LCMT2: variants seen among roughly 807,000 people sequenced by gnomAD.
LCMT2 encodes tRNA wybutosine-synthesizing protein 4.
Under a neutral mutation model 42.0 loss-of-function variants are expected in LCMT2, and 34 were observed. The ratio of observed to expected loss-of-function variants is 0.81; its 90% CI spans 0.62 to 1.08. The LOEUF (loss-of-function observed/expected upper bound fraction) is 1.08. Among genes scored for constraint, LCMT2 ranks in the 50% least tolerant of loss-of-function variants. LCMT2 has a pLI of 0.00. For synonymous variants in LCMT2, 445 were observed against 369.5 expected, an observed-to-expected ratio of 1.20 and a Z score of -2.34; for missense variants, 1,091 against 889.4, an observed-to-expected ratio of 1.23 and a Z score of -2.88.
rs1304651352 is a variant in LCMT2 at position 43,329,367 on chromosome 15, C to G, written c.1123G>C (p.Gly375Arg). Residue 375 changes from glycine to arginine, a missense_variant, in exon 1 of 1, where the codon GGA becomes CGA. By Grantham distance (125) the Gly-to-Arg change is moderately radical (BLOSUM62 -2). Transcript: ENST00000305641. ...TGCCGCCCCTCCTGCTCTCCAAATC[C>G]TCCTGCACTGAGAATAACGTCTGGG... is the stretch of plus-strand genomic sequence containing the variant. Reference protein sequence around the residue: ...LSPDVILSAGGFGEQEGRHCR... With the variant: ...LSPDVILSAGRFGEQEGRHCR... 3.7e-6 allele frequency: 6 copies of G among 1,613,946 alleles called. No homozygotes were observed. Among genetic ancestry groups the G allele is most frequent in the Non-Finnish European group, 8.5e-7 (1 of 1,180,012 alleles).
Position 43,328,978 on chromosome 15 carries a change from C to T in LCMT2, c.1512G>A (p.Val504=). 1.9e-6 allele frequency: 3 copies of T among 1,613,288 alleles called. No homozygotes were observed. In the South Asian group the frequency reaches 3.3e-5, roughly 18 times the overall value. Residue 504 remains valine (V), a synonymous_variant, in exon 1 of 1, where the codon GTG becomes GTA. Coordinates refer to ENST00000305641, the MANE Select transcript of LCMT2 (RefSeq NM_014793.5). ...YLFVYGGRSV[V]EPVLSDWHFL... ...AATGCCAGTCACTTAGTACAGGTTC[C>T]ACCACGCTTCGACCCCCATACACAA...
rs1220215842 is a variant in LCMT2, at chr15:43,329,383, A to G, written c.1107T>C (p.Val369=). 6.2e-7 allele frequency: 1 copy of G among 1,614,146 alleles called. No individual in the cohort carries two copies. Among genetic ancestry groups the G allele is most frequent in the Non-Finnish European group, 8.5e-7 (1 of 1,180,028 alleles). ...CTCCAAATCCTCCTGCACTGAGAAT[A>G]ACGTCTGGGCTCAAGAAGACAGAGG... ...GHASVFLSPD[V]ILSAGGFGEQ... The change falls in exon 1 of 1, where the codon GTT becomes GTC. Residue 369 remains valine (V), a synonymous_variant. Coordinates refer to ENST00000305641, the MANE Select transcript of LCMT2 (RefSeq NM_014793.5).
In LCMT2 at chr15:43,330,053, G is replaced by A; in HGVS notation, c.437C>T (p.Ser146Phe). 7.4e-6 allele frequency: 12 copies of A among 1,612,476 alleles called. No individual in the cohort carries two copies. Among genetic ancestry groups the A allele is most frequent in the Non-Finnish European group, 9.3e-6 (11 of 1,179,934 alleles). The change falls in exon 1 of 1, where the codon TCC (serine) becomes TTC (phenylalanine). Residue 146 changes from serine to phenylalanine, a missense_variant. By Grantham distance (155) the Ser-to-Phe change is radical. Coordinates refer to ENST00000305641, the MANE Select transcript of LCMT2 (RefSeq NM_014793.5). ...TGPFERGEPA[S>F]ALCFESADYC... ...GTCTGCGCTCTCAAAGCACAGCGCG[G>A]ACGCGGGCTCCCCCCTCTCGAAAGG...
chr15:43,328,407 G>T lies in LCMT2; in HGVS notation c.*22C>A. On this transcript the variant is annotated 3_prime_UTR_variant, in exon 1 of 1. Coordinates refer to ENST00000305641, the MANE Select transcript of LCMT2 (RefSeq NM_014793.5). ...AAAACTTTATTGTCTACTTTAGTGG[G>T]TCCTGAATATTAGTCCAGTCCTTAC... 1 of 1,600,248 alleles carries T rather than the reference G, an allele frequency of 6.2e-7. No individual in the cohort carries two copies. Among genetic ancestry groups the T allele is most frequent in the East Asian group, 2.2e-5 (1 of 44,802 alleles).
rs1470857611 is a variant in LCMT2 at position 43,326,287 on chromosome 15, C to T, written c.*2142G>A. 8 of 152,072 alleles carry T rather than the reference C, an allele frequency of 5.3e-5. No homozygotes were observed. The East Asian group carries it at 1.5e-3, about 29-fold the overall frequency. 9.4% of individuals were successfully genotyped at this position (152,072 alleles called of 1,614,324 possible). Reference sequence around the variant, plus strand: ...AGAACAGCCATTTTCTCCTGCTGATCATATTCCCTGCCAGTTTTCTACTAC... The same window carrying T: ...AGAACAGCCATTTTCTCCTGCTGATTATATTCCCTGCCAGTTTTCTACTAC... On this transcript the variant is annotated 3_prime_UTR_variant, in exon 1 of 1. Transcript: ENST00000305641.
At position 43,327,284 on chromosome 15, in the gene LCMT2, CAT is replaced by C. The variant is rs766745472; in HGVS notation, c.*1143_*1144del. On this transcript the variant is annotated 3_prime_UTR_variant, in exon 1 of 1. Transcript: ENST00000305641. ...GTCTAATACAGTAGCCAAAGCCACA[CAT>C]AGTTATTAAGCACTTAAAATGTGGT... 3.3e-5 allele frequency: 5 copies of C among 152,246 alleles called. No individual in the cohort carries two copies. Among genetic ancestry groups the C allele is most frequent in the African/African-American group, 4.8e-5 (2 of 41,460 alleles). 9.4% of individuals were successfully genotyped at this position (152,246 alleles called of 1,614,324 possible). A position where few individuals can be genotyped will look rare whatever the true frequency, so the allele number is the denominator to read the frequency against.
At position 43,327,328 on chromosome 15, in the gene LCMT2, C is replaced by T. The variant is rs2043123160; in HGVS notation, c.*1101G>A. On this transcript the variant is annotated 3_prime_UTR_variant, in exon 1 of 1. Transcript: ENST00000305641. ...AAATGTGGTCAATGTGACTAAGCCA[C>T]TGAATTTATTAATTCGTTTAAATAG... The T allele has an allele frequency of 6.6e-6, 1 of 152,244 alleles. No homozygotes were observed. Among genetic ancestry groups the T allele is most frequent in the Non-Finnish European group, 1.5e-5 (1 of 68,048 alleles). The allele number at this position is 152,244 out of a possible 1,614,324, so 9.4% of individuals were successfully genotyped here.
At position 43,329,739 on chromosome 15, in the gene LCMT2, C is replaced by T. The variant is rs781243213; in HGVS notation, c.751G>A (p.Val251Met). 1.9e-6 allele frequency: 3 copies of T among 1,613,528 alleles called. No individual in the cohort carries two copies. In the South Asian group the frequency reaches 3.3e-5, roughly 18 times the overall value. Reference protein sequence around the residue: ...PLHGLERFPDVEAQRRRFLQA... With the variant: ...PLHGLERFPDMEAQRRRFLQA... ...AGGAAGCGGCGCCGCTGCGCCTCCA[C>T]GTCAGGAAAACGCTCCAGGCCATGC... The change falls in exon 1 of 1, where the codon GTG becomes ATG. Residue 251 changes from valine to methionine, a missense_variant. By Grantham distance (21) the Val-to-Met change is conservative (BLOSUM62 1). Coordinates refer to ENST00000305641, the MANE Select transcript of LCMT2 (RefSeq NM_014793.5).
chr15:43,330,209 G>A lies in LCMT2; in HGVS notation c.281C>T (p.Ser94Leu). ...CGCGGTTTTTAAGCGAAAATAGAGC[G>A]AGTCGAAGCCAGCGCCGAGAGACAA... is the stretch of plus-strand genomic sequence containing the variant. ...QILSLGAGFDSLYFRLKTAGR... is the reference protein window; with the variant it reads ...QILSLGAGFDLLYFRLKTAGR... The change falls in exon 1 of 1, where the codon TCG becomes TTG. Residue 94 changes from serine to leucine, a missense_variant. Ser to Leu is a moderately radical substitution (Grantham distance 145, BLOSUM62 -2). Coordinates refer to ENST00000305641, the MANE Select transcript of LCMT2 (RefSeq NM_014793.5). The A allele has an allele frequency of 1.9e-6, 3 of 1,611,572 alleles. No individual in the cohort carries two copies. Among genetic ancestry groups the A allele is most frequent in the Non-Finnish European group, 2.5e-6 (3 of 1,179,856 alleles).
rs2043116752 is a variant in LCMT2, at chr15:43,326,067, T to TTTTTTA, written c.*2361_*2362insTAAAAA. 1 of 122,708 alleles carries TTTTTTA rather than the reference T, an allele frequency of 8.1e-6. No individual in the cohort carries two copies. Among genetic ancestry groups the TTTTTTA allele is most frequent in the African/African-American group, 3.9e-5 (1 of 25,454 alleles). The allele number at this position is 122,708 out of a possible 1,614,324, so 7.6% of individuals were successfully genotyped here. On this transcript the variant is annotated 3_prime_UTR_variant, in exon 1 of 1. Coordinates refer to ENST00000305641, the MANE Select transcript of LCMT2 (RefSeq NM_014793.5). ...TTTTTTTTTTTTTTTTTTTTTTTTT[T>TTTTTTA]GGGTAGAGACGGAGTTTCACCATAT...
chr15:43,329,126 T>C lies in LCMT2; in HGVS notation c.1364A>G (p.Glu455Gly), dbSNP rs2043142856. 6.2e-7 allele frequency: 1 copy of C among 1,614,080 alleles called. No homozygotes were observed. The highest frequency in any genetic ancestry group is 8.5e-7 in the Non-Finnish European group (1 of 1,180,028). The change falls in exon 1 of 1, where the codon GAG (glutamate) becomes GGG (glycine). Residue 455 changes from glutamate to glycine, a missense_variant. By Grantham distance (98) the Glu-to-Gly change is moderately conservative (BLOSUM62 -2). Coordinates refer to ENST00000305641, the MANE Select transcript of LCMT2 (RefSeq NM_014793.5). ...TTTCAGGTCCTCAGTGTTATTATCC[T>C]CACTCTTAAAAAAATGAAGCTGGAG... The part of the protein sequence containing the change: ...GVLQLHFFKS[E>G]DNNTEDLKVT...
rs763848828 is a variant in LCMT2 at position 43,330,274 on chromosome 15, C to G, written c.216G>C (p.Glu72Asp). ...AVRHCVRAFL[E>D]QIGAPQAALR... Reference sequence around the variant, plus strand: ...GCGCGGCCTGGGGCGCGCCAATCTGCTCCAAAAAAGCGCGCACGCAGTGCC... The same window carrying G: ...GCGCGGCCTGGGGCGCGCCAATCTGGTCCAAAAAAGCGCGCACGCAGTGCC... The change falls in exon 1 of 1, where the codon GAG (glutamate) becomes GAC (aspartate). Residue 72 changes from glutamate to aspartate, a missense_variant. Transcript: ENST00000305641. 2 of 1,597,486 alleles carry G rather than the reference C, an allele frequency of 1.3e-6. No individual in the cohort carries two copies. Among genetic ancestry groups the G allele is most frequent in the South Asian group, 2.2e-5 (2 of 89,592 alleles).
In LCMT2 at chr15:43,330,226, G is replaced by C. The variant is rs774098361; in HGVS notation, c.264C>G (p.Leu88=). The C allele has an allele frequency of 6.2e-7, 1 of 1,610,720 alleles. No individual in the cohort carries two copies. Among genetic ancestry groups the C allele is most frequent in the East Asian group, 2.2e-5 (1 of 44,848 alleles). The part of the protein sequence containing the change: ...QAALRAQILS[L]GAGFDSLYFR... ...AATAGAGCGAGTCGAAGCCAGCGCCGAGAGACAAGATCTGCGCGCGAAGCG... is the reference window on the plus strand; with the variant it reads ...AATAGAGCGAGTCGAAGCCAGCGCCCAGAGACAAGATCTGCGCGCGAAGCG... The change falls in exon 1 of 1, where the codon CTC becomes CTG. Residue 88 remains leucine, a synonymous_variant. Transcript: ENST00000305641.
chr15:43,328,540 T>C lies in LCMT2; in HGVS notation c.1950A>G (p.Glu650=). 15 of 1,614,230 alleles carry C rather than the reference T, an allele frequency of 9.3e-6. No homozygotes were observed. The highest frequency in any genetic ancestry group is 1.3e-5 in the Non-Finnish European group (15 of 1,180,034). ...CTCCAAGGAGCAGGAGCTGTTGCTC[T>C]TCAGGAAGAAGGATACTAGTATGGT... ...LHNHTSILLP[E]EQQLLLLGGG... Residue 650 remains glutamate (E), a synonymous_variant, in exon 1 of 1, where the codon GAA becomes GAG. Transcript: ENST00000305641.
Position 43,328,533 on chromosome 15 carries a change from G to C in LCMT2, c.1957C>G (p.Gln653Glu). The C allele has an allele frequency of 6.2e-7, 1 of 1,614,212 alleles. No homozygotes were observed. Among genetic ancestry groups the C allele is most frequent in the South Asian group, 1.1e-5 (1 of 91,086 alleles). The change falls in exon 1 of 1, where the codon CAG (glutamine) becomes GAG (glutamate). Residue 653 changes from glutamine (Q) to glutamate (E), a missense_variant. Coordinates refer to ENST00000305641, the MANE Select transcript of LCMT2 (RefSeq NM_014793.5). ...HTSILLPEEQ[Q>E]LLLLGGGGNC... ...CCACCACCTCCAAGGAGCAGGAGCT[G>C]TTGCTCTTCAGGAAGAAGGATACTA...
In LCMT2 at chr15:43,328,524, G is replaced by A; in HGVS notation, c.1966C>T (p.Leu656Phe). Residue 656 changes from leucine (L) to phenylalanine (F), a missense_variant, in exon 1 of 1, where the codon CTC (leucine) becomes TTC (phenylalanine). Transcript: ENST00000305641. ...AAGCAGTTCCCACCACCTCCAAGGA[G>A]CAGGAGCTGTTGCTCTTCAGGAAGA... is the stretch of plus-strand genomic sequence containing the variant. ...ILLPEEQQLLLLGGGGNCFSF... is the reference protein window; with the variant it reads ...ILLPEEQQLLFLGGGGNCFSF... 6.2e-7 allele frequency: 1 copy of A among 1,614,232 alleles called. No homozygotes were observed. Among genetic ancestry groups the A allele is most frequent in the South Asian group, 1.1e-5 (1 of 91,086 alleles).
In LCMT2 at chr15:43,327,724, A is replaced by G. The variant is rs2043125238; in HGVS notation, c.*705T>C. The G allele has an allele frequency of 1.3e-5, 2 of 152,316 alleles. No individual in the cohort carries two copies. The highest frequency in any genetic ancestry group is 1.3e-4 in the Admixed American group (2 of 15,282). The allele number at this position is 152,316 out of a possible 1,614,324, so 9.4% of individuals were successfully genotyped here. A position where few individuals can be genotyped will look rare whatever the true frequency, so the allele number is the denominator to read the frequency against. On this transcript the variant is annotated 3_prime_UTR_variant, in exon 1 of 1. Transcript: ENST00000305641. ...GCCTCTTGGAGCACAGAACAGTGAA[A>G]GGTGGAGAGTATATCTGGAACAAAA... is the stretch of plus-strand genomic sequence containing the variant.
Position 43,330,353 on chromosome 15 carries a change from G to T in LCMT2, c.137C>A (p.Ala46Glu). 1 of 1,603,544 alleles carries T rather than the reference G, an allele frequency of 6.2e-7. No homozygotes were observed. ...PFAALLVPGA[A>E]RRAPLIHRGY... Reference sequence around the variant, plus strand: ...TCGGTGAATGAGCGGTGCGCGGCGCGCCGCGCCCGGAACCAGCAACGCGGC... The same window carrying T: ...TCGGTGAATGAGCGGTGCGCGGCGCTCCGCGCCCGGAACCAGCAACGCGGC... Residue 46 changes from alanine to glutamate, a missense_variant, in exon 1 of 1, where the codon GCG (alanine) becomes GAG (glutamate). Ala to Glu is a moderately radical substitution (Grantham distance 107). Transcript: ENST00000305641.
In LCMT2 at chr15:43,326,006, A is replaced by C. The variant is rs985341458; in HGVS notation, c.*2423T>G. The C allele has an allele frequency of 1.4e-5, 2 of 145,074 alleles. No homozygotes were observed. Among genetic ancestry groups the C allele is most frequent in the African/African-American group, 2.5e-5 (1 of 39,228 alleles). 9.0% of individuals were successfully genotyped at this position (145,074 alleles called of 1,614,324 possible). A position where few individuals can be genotyped will look rare whatever the true frequency, so the allele number is the denominator to read the frequency against. Reference sequence around the variant, plus strand: ...CAGGCATGCGCCACCATCCCTGGCTAATCTTTGTATATATAGATAGATGGA... The same window carrying C: ...CAGGCATGCGCCACCATCCCTGGCTCATCTTTGTATATATAGATAGATGGA... On this transcript the variant is annotated 3_prime_UTR_variant, in exon 1 of 1. Coordinates refer to ENST00000305641, the MANE Select transcript of LCMT2 (RefSeq NM_014793.5).
Sources: allele counts gnomAD v4.1 joint callset, GRCh38; gene constraint gnomAD v4.1.1; transcripts MANE v1.5; gene names NCBI Gene and HGNC (gene_info 2026-07-23, HGNC 2026-07-21).